Variants in DENND1A observed in about 807,000 individuals in gnomAD.
The protein encoded by DENND1A is DENN domain containing 1A, also known as DENN domain-containing protein 1A.
A neutral mutation model predicts 113.7 loss-of-function variants in DENND1A; 51 were observed. The ratio of observed to expected loss-of-function variants is 0.45; its 90% CI spans 0.36 to 0.57. DENND1A has a LOEUF of 0.57. DENND1A is among the 20% of genes least tolerant of loss of function. The probability of loss-of-function intolerance (pLI) is 0.00; values close to 1 mark genes in which losing one functional copy is unlikely to be tolerated. For synonymous variants in DENND1A, 565 were observed against 570.8 expected, an observed-to-expected ratio of 0.99 and a Z score of 0.14; for missense variants, 1,258 against 1,395.9, an observed-to-expected ratio of 0.90 and a Z score of 1.57.
intron 13 of DENND1A, among the ~76,000 whole-genome samples, chr9:123,552,674 C>T (rs1332170290): frequency 6.6e-6 from 1 of 152,252 alleles, no homozygotes; most frequent in African/African-American, 2.4e-5. Flanking sequence ...CGTTCACATA[C>T]CTGGCCTTCT....
intron 3 of DENND1A, among the ~76,000 whole-genome samples, chr9:123,781,729 T>C (rs1324237276): frequency 6.6e-6 from 1 of 152,150 alleles, no homozygotes; most frequent in Non-Finnish European, 1.5e-5. Context: ...AAATCTCATA[T>C]AACATGGGGA....
intron 8 of DENND1A, among the ~76,000 whole-genome samples, chr9:123,655,814 T>G (rs1300180066): frequency 6.6e-6 from 1 of 152,196 alleles, no homozygotes; most frequent in African/African-American, 2.4e-5. Flanking sequence ...TAAGCCACTC[T>G]CCCAGCACTT....
intron 13 of DENND1A, among the ~76,000 whole-genome samples, chr9:123,554,649 G>T (rs763018896): frequency 6.6e-6 from 1 of 152,234 alleles, no homozygotes; most frequent in Non-Finnish European, 1.5e-5. Context: ...TTGTGGTTCA[G>T]ATGAACAGGA....
At chr9:123,679,071 C>T (rs180755296) in intron 5 of DENND1A, among the ~76,000 whole-genome samples, 67 of 152,148 alleles carry the variant, frequency 4.4e-4, no homozygotes, top group Non-Finnish European at 8.4e-4. Context: ...TAGTTAAATC[C>T]AGCCACTGAA....
intron 9 of DENND1A, among the ~76,000 whole-genome samples, chr9:123,633,878 G>A (rs1017893006): frequency 2.6e-5 from 4 of 152,198 alleles, no homozygotes; most frequent in South Asian, 4.1e-4. Flanking sequence ...TCATCCATTC[G>A]CCCATTCATT....
In DENND1A at chr9:123,401,533, C is replaced by T. The variant is rs118182087; in HGVS notation, c.1631+1869G>A. ...CCCGAGCCACTGTGACGTACGCTCA[C>T]AGAAAACCTGTCATTTGTTTTCTAT... On this transcript the variant is annotated intron_variant, in intron 21 of 23. Transcript: ENST00000394215. The T allele has an allele frequency of 9.3e-4, 1,246 of 1,334,482 alleles. 15 individuals are homozygous for T. In the East Asian group the frequency reaches 0.024, roughly 26 times the overall value. 82.7% of individuals were successfully genotyped at this position (1,334,482 alleles called of 1,614,324 possible).
At chr9:123,798,053 AC>A (rs1834039276) in intron 2 of DENND1A, among the ~76,000 whole-genome samples, 3 of 152,184 alleles carry the variant, frequency 2.0e-5, no homozygotes, top group Non-Finnish European at 4.4e-5. Context: ...TTGCTTTAGC[AC>A]ATGAAGGCTG....
At chr9:123,519,742 T>C (rs1315386372) in intron 13 of DENND1A, among the ~76,000 whole-genome samples, 1 of 152,054 alleles carries the variant, frequency 6.6e-6, no homozygotes, top group Non-Finnish European at 1.5e-5. Flanking sequence ...TAAGTTAACC[T>C]GGTGGCCTCA....
chr9:123,804,989 C>G (rs535606785), intron 2 of DENND1A, among the ~76,000 whole-genome samples: 1 of 152,148 alleles, frequency 6.6e-6, no homozygotes, highest in Non-Finnish European at 1.5e-5. Flanking sequence ...CTCTCCTCTC[C>G]TAACTTTGTT....
rs1184361302 is a variant in DENND1A at position 123,403,360 on chromosome 9, C to A, written c.1631+42G>T. 4 of 1,605,752 alleles carry A rather than the reference C, an allele frequency of 2.5e-6. No individual in the cohort carries two copies. The South Asian group carries it at 4.4e-5, about 18-fold the overall frequency. Reference sequence around the variant, plus strand: ...CTTCGCAAAGTGCTGGCTCCGCAGACACAGGGTTCTTACAGACAGAGGGGA... The same window carrying A: ...CTTCGCAAAGTGCTGGCTCCGCAGAAACAGGGTTCTTACAGACAGAGGGGA... On this transcript the variant is annotated intron_variant, in intron 21 of 23. Transcript: ENST00000394215.
intron 13 of DENND1A, among the ~76,000 whole-genome samples, chr9:123,520,685 CA>C (rs1214771602): frequency 6.6e-6 from 1 of 152,208 alleles, no homozygotes; most frequent in African/African-American, 2.4e-5. Context: ...CTCAATCAGC[CA>C]ATCACTGAAC....
At chr9:123,881,806 G>A (rs979692977) in intron 1 of DENND1A, among the ~76,000 whole-genome samples, 10 of 152,044 alleles carry the variant, frequency 6.6e-5, no homozygotes, top group Non-Finnish European at 1.5e-4. Flanking sequence ...ACTCCAACCA[G>A]GCTTCTGAAC....
intron 2 of DENND1A, among the ~76,000 whole-genome samples, chr9:123,825,246 C>G (rs1564344939): frequency 1.3e-5 from 2 of 151,212 alleles, no homozygotes; most frequent in Admixed American, 1.3e-4. Flanking sequence ...AAAACATAAG[C>G]ACAATCAATT....
chr9:123,766,339 G>T (rs1354006339), intron 4 of DENND1A, among the ~76,000 whole-genome samples: 1 of 152,120 alleles, frequency 6.6e-6, no homozygotes, highest in Non-Finnish European at 1.5e-5. Flanking sequence ...GGACTAGACT[G>T]GGAGGGCAGG....
intron 2 of DENND1A, among the ~76,000 whole-genome samples, chr9:123,858,110 C>T (rs938092963): frequency 9.5e-5 from 14 of 147,482 alleles, no homozygotes; most frequent in Non-Finnish European, 1.4e-4. Context: ...ATAAACTAAA[C>T]GCAATTTGTG....
At chr9:123,498,723 CTCTT>C (rs1015831404) in intron 13 of DENND1A, among the ~76,000 whole-genome samples, 10 of 138,466 alleles carry the variant, frequency 7.2e-5, no homozygotes, top group African/African-American at 2.7e-4. Flanking sequence ...GTCTCTCTCT[CTCTT>C]TTTTTTTTTT....
At chr9:123,749,135 C>T (rs1589924075) in intron 5 of DENND1A, among the ~76,000 whole-genome samples, 3 of 152,172 alleles carry the variant, frequency 2.0e-5, no homozygotes, top group East Asian at 3.9e-4. Context: ...GGGCAAAACC[C>T]TGGGTTGGAG....
chr9:123,456,533 G>A (rs2132883319), intron 15 of DENND1A, among the ~76,000 whole-genome samples: 1 of 152,312 alleles, frequency 6.6e-6, no homozygotes, highest in Non-Finnish European at 1.5e-5. Context: ...ACAGGGCTGG[G>A]TATGGTGGCT....
chr9:123,619,598 G>C (rs965060072), intron 10 of DENND1A, among the ~76,000 whole-genome samples: 1 of 152,048 alleles, frequency 6.6e-6, no homozygotes, highest in Non-Finnish European at 1.5e-5. Flanking sequence ...TTTTGTATTT[G>C]TTTTACAGGG....
Sources: gnomAD v4.1 joint callset for allele counts (sites outside exome capture counted in the v4.1 genomes callset) on GRCh38, gnomAD v4.1.1 for gene constraint, MANE v1.5 for transcripts, NCBI Gene and HGNC (gene_info 2026-07-23, HGNC 2026-07-21) for gene names.